KIF15: variants seen among roughly 807,000 people sequenced by gnomAD.
KIF15 encodes kinesin-like protein KIF15.
In KIF15, 140 loss-of-function variants were observed where a neutral mutation model predicts 190.6. The ratio of observed to expected loss-of-function variants is 0.73; its 90% confidence interval spans 0.64 to 0.84. The LOEUF is 0.84. Ranked by LOEUF, KIF15 falls within the 40% of genes least tolerant of loss-of-function variation. KIF15 has a pLI of 0.00. For missense variants in KIF15, 1,372 were observed against 1,584.4 expected (o/e 0.87, Z 2.28); for synonymous variants, 528 against 551.3 (o/e 0.96, Z 0.59).
At chr3:44,856,828 C>T (rs571650557), downstream of KIF15, among the ~76,000 whole-genome samples, 18 of 152,188 alleles carry the variant, frequency 1.2e-4, no homozygotes, top group South Asian at 2.1e-4. Context: ...CTCTTTCTGC[C>T]CATATAACAG....
At chr3:44,866,473 G>A (rs1026181478) in intron 6 of KIF15, among the ~76,000 whole-genome samples, 4 of 152,126 alleles carry the variant, frequency 2.6e-5, no homozygotes, top group African/African-American at 9.7e-5. Flanking sequence ...CTGAAGCCCG[G>A]CACTTACCTG....
chr3:44,833,078 G>C (rs1285662431), intron 26 of KIF15, among the ~76,000 whole-genome samples: 3 of 151,442 alleles, frequency 2.0e-5, no homozygotes, highest in African/African-American at 7.3e-5. Context: ...AGTAAGGGTA[G>C]AATAGTAACA....
intron 1 of KIF15, among the ~76,000 whole-genome samples, chr3:44,768,082 T>C (rs539070621): frequency 6.6e-5 from 10 of 151,792 alleles, no homozygotes; most frequent in East Asian, 3.9e-4. Context: ...AAGACCATCC[T>C]GGCCAACATG....
chr3:44,792,010 T>A (rs1706730670), intron 7 of KIF15, among the ~76,000 whole-genome samples: 1 of 152,126 alleles, frequency 6.6e-6, no homozygotes, highest in African/African-American at 2.4e-5. Context: ...TGAGCCATAG[T>A]GCCCGGCCGC....
intron 30 of KIF15, among the ~76,000 whole-genome samples, chr3:44,847,069 C>T (rs1020271852): frequency 1.3e-5 from 2 of 152,196 alleles, no homozygotes; most frequent in Non-Finnish European, 1.5e-5. Context: ...TGACAGAAGA[C>T]GTTTGCCAAT....
intron 11 of KIF15, 118 bp from the exon 12 acceptor site, chr3:44,801,332 A>G: frequency 1.7e-6 from 1 of 592,522 alleles, no homozygotes; most frequent in East Asian, 3.0e-5. Context: ...GTGCCCGGCC[A>G]CAGTCTCATT....
intron 20 of KIF15, among the ~76,000 whole-genome samples, chr3:44,818,656 T>C (rs180992840): frequency 2.0e-5 from 3 of 152,372 alleles, no homozygotes; most frequent in Admixed American, 2.0e-4. Context: ...AGTATTTTAT[T>C]GAGGATTTTT....
At chr3:44,858,976 C>G (rs1030064397) in intron 6 of KIF15, among the ~76,000 whole-genome samples, 1 of 151,048 alleles carries the variant, frequency 6.6e-6, no homozygotes, top group Non-Finnish European at 1.5e-5. Flanking sequence ...GGGAAGGAGT[C>G]AGTCAGAGAG....
At chr3:44,774,328 T>C (rs567146278) in intron 1 of KIF15, 67 bp from the exon 2 acceptor site, 1 of 1,412,516 alleles carries the variant, frequency 7.1e-7, no homozygotes, top group Admixed American at 1.8e-5. Context: ...CCCAGGAACA[T>C]GTTAGAGAAG....
Position 44,786,903 on chromosome 3 carries a change from T to C in KIF15, c.639+329T>C, listed in dbSNP as rs2125917842. Among the ~76,000 whole-genome samples the C allele has an allele frequency of 1.3e-5, 2 of 152,316 alleles. 1 individual carries two copies. Among genetic ancestry groups the C allele is most frequent in the South Asian group, 4.1e-4 (2 of 4,820 alleles). On this transcript the variant is annotated intron_variant, in intron 7 of 34. Transcript: ENST00000326047. ...AACTCTGGCCTTTAAACCAGCTGGC[T>C]GTTCTTTTCTACGTTGCTTGCTTGT...
intron 20 of KIF15, among the ~76,000 whole-genome samples, chr3:44,819,424 CA>C (rs754957578): frequency 2.6e-5 from 4 of 152,172 alleles, no homozygotes; most frequent in Non-Finnish European, 4.4e-5. Context: ...GAATGTGTCC[CA>C]GAGATTCTGG....
chr3:44,833,009 C>CAA lies in KIF15; in HGVS notation c.3171+2009_3171+2010dup, dbSNP rs11339810. On this transcript the variant is annotated intron_variant, in intron 26 of 34. Coordinates refer to ENST00000326047, the MANE Select transcript of KIF15 (RefSeq NM_020242.3). ...TGGGTGACAGATCGAGACTCCATCT[C>CAA]AAAAAAAAAAAAAAAAAAAGAAGAT... Among the ~76,000 whole-genome samples the CAA allele has an allele frequency of 1.4e-4, 12 of 85,188 alleles. 1 individual carries two copies. The highest frequency in any genetic ancestry group is 3.5e-4 in the East Asian group (1 of 2,878). The allele number at this position is 85,188 out of a possible 152,430, so 55.9% of individuals were successfully genotyped here.
rs1412599604 is a variant in KIF15 at position 44,774,779 on chromosome 3, GGTATAGGTCAT to G, written c.62+345_62+355del. ...CCTATTGTGAAGTAAATCAGTAAAA[GGTATAGGTCAT>G]GTGAGACTCTGTAAAAAGAGATAAA... On this transcript the variant is annotated intron_variant, in intron 2 of 34. Transcript: ENST00000326047. Among the ~76,000 whole-genome samples, 8 of 152,286 alleles carry G rather than the reference GGTATAGGTCAT, an allele frequency of 5.3e-5. No individual in the cohort carries two copies. In the East Asian group the frequency reaches 1.5e-3, roughly 29 times the overall value.
downstream of KIF15, among the ~76,000 whole-genome samples, chr3:44,854,528 T>C (rs967620619): frequency 2.6e-5 from 4 of 152,174 alleles, no homozygotes; most frequent in Non-Finnish European, 5.9e-5. Flanking sequence ...TAGTATTAAA[T>C]ATAAGGTAGC....
intron 34 of KIF15, 34 bp from the exon 35 acceptor site, chr3:44,852,638 AT>A (rs748407952): frequency 1.8e-5 from 26 of 1,483,258 alleles, no homozygotes; most frequent in African/African-American, 5.7e-5. Context: ...TTAGAGCCTT[AT>A]TTTTTTTCTT....
rs778595547 is a variant in KIF15, at chr3:44,862,080, G to GGCCGCC, written c.*59+9290_*59+9295dup. On this transcript the variant is annotated intron_variant and NMD_transcript_variant, in intron 6 of 6. Coordinates refer to the KIF15 transcript ENST00000422209. ...TGTGCGCCGGCGCGTTCGGGGCCCT[G>GGCCGCC]GCCGCCGCCTCCGCCAAGCTGGCCT... The GGCCGCC allele has an allele frequency of 3.1e-6, 4 of 1,297,938 alleles. No individual in the cohort carries two copies. In the South Asian group the frequency reaches 1.1e-4, roughly 35 times the overall value. The allele number at this position is 1,297,938 out of a possible 1,614,324, so 80.4% of individuals were successfully genotyped here.
At chr3:44,804,671 T>C (rs1422332866) in intron 14 of KIF15, among the ~76,000 whole-genome samples, 1 of 152,224 alleles carries the variant, frequency 6.6e-6, no homozygotes, top group Non-Finnish European at 1.5e-5. Flanking sequence ...CTGTGTCACA[T>C]CCTGTGCCTT....
intron 29 of KIF15, 35 bp downstream of exon 29, chr3:44,841,273 T>G: frequency 6.4e-7 from 1 of 1,553,214 alleles, no homozygotes; most frequent in Non-Finnish European, 8.8e-7. Flanking sequence ...ATTTAATTAT[T>G]TTTAAAGAGA....
chr3:44,821,011 G>A (rs1275784618), intron 20 of KIF15, among the ~76,000 whole-genome samples: 16 of 48,032 alleles, frequency 3.3e-4, no homozygotes, highest in East Asian at 1.6e-3. Context: ...CGGACGGGGC[G>A]GCTGGCCGGG....
Sources: allele counts gnomAD v4.1 joint callset (sites outside exome capture counted in the v4.1 genomes callset), GRCh38; gene constraint gnomAD v4.1.1; transcripts MANE v1.5; gene names NCBI Gene and HGNC (gene_info 2026-07-23, HGNC 2026-07-21).